Variants in MEA1 observed in about 807,000 individuals in gnomAD.
MEA1 encodes the protein male-enhanced antigen 1, also known as Male-enhanced antigen (H-Y structural gene).
MEA1 carries 22 observed loss-of-function variants against 21.4 expected under a neutral mutation model. That is an observed-to-expected ratio of 1.03 (90% CI 0.73 to 1.47). The LOEUF is 1.47. Among genes scored for constraint, MEA1 ranks in the 40% most tolerant of loss-of-function variants. The probability of loss-of-function intolerance (pLI) is 0.00; values close to 1 mark genes in which losing one functional copy is unlikely to be tolerated. For missense variants in MEA1, 233 were observed against 230.5 expected (o/e 1.01, Z -0.07); for synonymous variants, 91 against 85.5 (o/e 1.06, Z -0.35).
upstream of MEA1, chr6:43,014,610 G>A (rs1490109764): frequency 1.1e-5 from 5 of 457,166 alleles, no homozygotes; most frequent in Non-Finnish European, 2.2e-5. Flanking sequence ...CAGGGAAGCT[G>A]AGCATAATGG....
chr6:43,013,744 A>G (rs777446012), intron 1 of MEA1, 42 bp downstream of exon 1: 28 of 1,410,060 alleles, frequency 2.0e-5, no homozygotes, highest in Non-Finnish European at 2.6e-5. Context: ...AGGTCGGCGT[A>G]CCCGCCCCCT....
upstream of MEA1, among the ~76,000 whole-genome samples, chr6:43,016,169 G>A (rs922752817): frequency 2.0e-5 from 3 of 152,052 alleles, no homozygotes; most frequent in South Asian, 2.1e-4. Flanking sequence ...TCTTGATCTC[G>A]TGATCCACCT....
At chr6:43,012,856 C>T in intron 3 of MEA1, 70 bp downstream of exon 3, 1 of 1,457,018 alleles carries the variant, frequency 6.9e-7, no homozygotes, top group Admixed American at 1.7e-5. Context: ...TCCTCTGAAA[C>T]TTCCTTCTAC....
In MEA1 at chr6:43,013,876, C is replaced by T; in HGVS notation, c.-63G>A. 6.6e-7 allele frequency: 1 copy of T among 1,514,910 alleles called. No individual in the cohort carries two copies. The highest frequency in any genetic ancestry group is 8.8e-7 in the Non-Finnish European group (1 of 1,133,112). 93.8% of individuals were successfully genotyped at this position (1,514,910 alleles called of 1,614,324 possible). A position where few individuals can be genotyped will look rare whatever the true frequency, so the allele number is the denominator to read the frequency against. On this transcript the variant is annotated 5_prime_UTR_variant, in exon 1 of 4. Coordinates refer to ENST00000244711, the MANE Select transcript of MEA1 (RefSeq NM_014623.4). Reference sequence around the variant, plus strand: ...ACCCGCCCCCATCCGAATCCCGGCGCCGGTGTTCCCGCGCGCCTCACCCGC... The same window carrying T: ...ACCCGCCCCCATCCGAATCCCGGCGTCGGTGTTCCCGCGCGCCTCACCCGC...
chr6:43,014,136 C>A, upstream of MEA1: 1 of 1,415,856 alleles, frequency 7.1e-7, no homozygotes, highest in South Asian at 1.6e-5. Flanking sequence ...CACTCCTCAG[C>A]CCTCTCGTCC....
intron 3 of MEA1, 44 bp downstream of exon 3, chr6:43,012,882 C>T (rs768101954): frequency 5.8e-6 from 9 of 1,554,406 alleles, no homozygotes; most frequent in Non-Finnish European, 8.0e-6. Flanking sequence ...CATGCCAGTT[C>T]ATTTCCTTAG....
chr6:43,014,138 C>G (rs1026979201), upstream of MEA1: 3 of 1,415,820 alleles, frequency 2.1e-6, no homozygotes, highest in Non-Finnish European at 1.8e-6. Flanking sequence ...CTCCTCAGCC[C>G]TCTCGTCCCT....
Position 43,012,488 on chromosome 6 carries a change from T to C in MEA1, c.540A>G (p.Ala180=). Residue 180 remains alanine (A), a synonymous_variant, in exon 4 of 4, where the codon GCA becomes GCG. Coordinates refer to ENST00000244711, the MANE Select transcript of MEA1 (RefSeq NM_014623.4). ...ACTGTGGTCACTTCCAGGCAGGGGATGCCTGCCGGGCTTGGAGGGCTTTCT... is the reference window on the plus strand; with the variant it reads ...ACTGTGGTCACTTCCAGGCAGGGGACGCCTGCCGGGCTTGGAGGGCTTTCT... ...VVQKALQARQ[A]SPAWK The C allele has an allele frequency of 6.2e-7, 1 of 1,602,026 alleles. No individual in the cohort carries two copies. The highest frequency in any genetic ancestry group is 8.5e-7 in the Non-Finnish European group (1 of 1,175,934).
chr6:43,012,731 C>T (rs1762414780), intron 3 of MEA1, 110 bp from the exon 4 acceptor site: 1 of 1,373,474 alleles, frequency 7.3e-7, no homozygotes, highest in Non-Finnish European at 9.9e-7. Context: ...ACCAAATCCA[C>T]CTTGTTACTT....
At position 43,012,550 on chromosome 6, in the gene MEA1, G is replaced by A. The variant is rs183141686; in HGVS notation, c.478C>T (p.Arg160Trp). Residue 160 changes from arginine (R) to tryptophan (W), a missense_variant, in exon 4 of 4, where the codon CGG becomes TGG. Physicochemically the swap from Arg to Trp is moderately radical, Grantham distance 101. Coordinates refer to ENST00000244711, the MANE Select transcript of MEA1 (RefSeq NM_014623.4). ...LPAPGVPAWA[R>W]EISDAQWEDV... is the part of the protein sequence containing the mutation. ...TCCCACTGGGCATCCGATATCTCCC[G>A]AGCCCAGGCAGGAACCCCTGGCGCA... The A allele has an allele frequency of 6.6e-5, 106 of 1,612,850 alleles. No homozygotes were observed. In the East Asian group the frequency reaches 1.8e-3, roughly 27 times the overall value.
rs780858279 is a variant in MEA1, at chr6:43,011,212, G to A, written c.*1258C>T. The A allele has an allele frequency of 1.7e-5, 27 of 1,614,034 alleles. No individual in the cohort carries two copies. The highest frequency in any genetic ancestry group is 6.7e-5 in the East Asian group (3 of 44,902). On this transcript the variant is annotated 3_prime_UTR_variant, in exon 4 of 4. Transcript: ENST00000244711. The stretch of plus-strand genomic sequence containing the variant: ...GAGGAAGTCGGAGCTGCCCCAGGAC[G>A]TGTACACCATCAAGGCACTGGAGGC...
At chr6:43,013,649 A>C (rs1762462168) in intron 1 of MEA1, 137 bp downstream of exon 1, 1 of 1,003,412 alleles carries the variant, frequency 1.0e-6, no homozygotes, top group Admixed American at 2.4e-5. Flanking sequence ...CCACCTCCTA[A>C]AAGACACCCC....
Position 43,012,147 on chromosome 6 carries a change from C to A in MEA1, c.*323G>T. Reference sequence around the variant, plus strand: ...TTGTGCTATGCTGGGCAGGCCTTCTCTTGTCCCTTATAGGTACCTTGGAGG... The same window carrying A: ...TTGTGCTATGCTGGGCAGGCCTTCTATTGTCCCTTATAGGTACCTTGGAGG... On this transcript the variant is annotated 3_prime_UTR_variant, in exon 4 of 4. Coordinates refer to ENST00000244711, the MANE Select transcript of MEA1 (RefSeq NM_014623.4). 1 of 1,018,636 alleles carries A rather than the reference C, an allele frequency of 9.8e-7. No individual in the cohort carries two copies. Among genetic ancestry groups the A allele is most frequent in the Non-Finnish European group, 1.2e-6 (1 of 840,532 alleles). 63.1% of individuals were successfully genotyped at this position (1,018,636 alleles called of 1,614,324 possible).
Position 43,013,350 on chromosome 6 carries a change from G to A in MEA1, c.68C>T (p.Thr23Ile). 1 of 1,614,032 alleles carries A rather than the reference G, an allele frequency of 6.2e-7. No homozygotes were observed. The highest frequency in any genetic ancestry group is 8.5e-7 in the Non-Finnish European group (1 of 1,180,024). ...GGGGAAGATACGCTCAGGGCCCATGGTGTCTCCTCCTAGAACTACTGTTGC... is the reference window on the plus strand; with the variant it reads ...GGGGAAGATACGCTCAGGGCCCATGATGTCTCCTCCTAGAACTACTGTTGC... ...RMATVVLGGD[T>I]MGPERIFPNQ... The change falls in exon 2 of 4, where the codon ACC becomes ATC. Residue 23 changes from threonine to isoleucine, a missense_variant. Physicochemically the swap from Thr to Ile is moderately conservative, Grantham distance 89. Transcript: ENST00000244711.
chr6:43,012,217 G>A lies in MEA1; in HGVS notation c.*253C>T, dbSNP rs1036036739. 1.7e-6 allele frequency: 2 copies of A among 1,187,754 alleles called. No homozygotes were observed. Among genetic ancestry groups the A allele is most frequent in the Non-Finnish European group, 1.0e-6 (1 of 958,610 alleles). The allele number at this position is 1,187,754 out of a possible 1,614,324, so 73.6% of individuals were successfully genotyped here. The stretch of plus-strand genomic sequence containing the variant: ...CCGGACCCAGGTTCCAGGGGCGCAG[G>A]CAGTGCGGCTTTTGGCTGTGTACAT... On this transcript the variant is annotated 3_prime_UTR_variant, in exon 4 of 4. Transcript: ENST00000244711.
chr6:43,013,890 C>CGCCTCACCCGCTCAGAGCCCGCG lies in MEA1; in HGVS notation c.-100_-78dup, dbSNP rs1762481026. 13 of 1,507,140 alleles carry CGCCTCACCCGCTCAGAGCCCGCG rather than the reference C, an allele frequency of 8.6e-6. No individual in the cohort carries two copies. The highest frequency in any genetic ancestry group is 1.1e-5 in the Non-Finnish European group (12 of 1,128,466). The allele number at this position is 1,507,140 out of a possible 1,614,324, so 93.4% of individuals were successfully genotyped here. A position where few individuals can be genotyped will look rare whatever the true frequency, so the allele number is the denominator to read the frequency against. On this transcript the variant is annotated 5_prime_UTR_variant, in exon 1 of 4. Transcript: ENST00000244711. ...GAATCCCGGCGCCGGTGTTCCCGCG[C>CGCCTCACCCGCTCAGAGCCCGCG]GCCTCACCCGCTCAGAGCCCGCGGC...
At position 43,011,380 on chromosome 6, in the gene MEA1, G is replaced by A. The variant is rs568069638; in HGVS notation, c.*1090C>T. 2.0e-6 allele frequency: 3 copies of A among 1,513,086 alleles called. No homozygotes were observed. The highest frequency in any genetic ancestry group is 2.3e-5 in the East Asian group (1 of 43,186). 93.7% of individuals were successfully genotyped at this position (1,513,086 alleles called of 1,614,324 possible). A position where few individuals can be genotyped will look rare whatever the true frequency, so the allele number is the denominator to read the frequency against. On this transcript the variant is annotated 3_prime_UTR_variant, in exon 4 of 4. Coordinates refer to ENST00000244711, the MANE Select transcript of MEA1 (RefSeq NM_014623.4). ...CTGCTCCCTACTGGCTGTCTTGGGG[G>A]AAGGCAGCGCCTCTCTAGCTACTCA...
rs150737373 is a variant in MEA1, at chr6:43,013,214, G to C, written c.204C>G (p.Tyr68Ter). The C allele has an allele frequency of 6.2e-7, 1 of 1,614,056 alleles. No individual in the cohort carries two copies. Among genetic ancestry groups the C allele is most frequent in the Non-Finnish European group, 8.5e-7 (1 of 1,180,034 alleles). Residue 68 changes from tyrosine (Y) to a stop codon, truncating the protein, a stop_gained, in exon 2 of 4, where the codon TAC (tyrosine) becomes TAG (stop). Transcript: ENST00000244711. LOFTEE classifies it high-confidence loss of function. ...QEETGSGPAGYSYQPLNQDPE... is the reference protein window; with the variant it reads ...QEETGSGPAG ...GATCTTGGTTCAGGGGCTGGTAGGA[G>C]TAGCCAGCTGGGCCCGACCCCGTTT...
Position 43,013,864 on chromosome 6 carries a change from C to A in MEA1, c.-51G>T, listed in dbSNP as rs758803155. 2.0e-6 allele frequency: 3 copies of A among 1,522,996 alleles called. No homozygotes were observed. Among genetic ancestry groups the A allele is most frequent in the East Asian group, 2.4e-5 (1 of 41,408 alleles). 94.3% of individuals were successfully genotyped at this position (1,522,996 alleles called of 1,614,324 possible). A position where few individuals can be genotyped will look rare whatever the true frequency, so the allele number is the denominator to read the frequency against. On this transcript the variant is annotated 5_prime_UTR_variant, in exon 1 of 4. Transcript: ENST00000244711. ...GCAGCGTCCCCCACCCGCCCCCATC[C>A]GAATCCCGGCGCCGGTGTTCCCGCG...
Sources: gnomAD v4.1 joint callset for allele counts (sites outside exome capture counted in the v4.1 genomes callset) on GRCh38, gnomAD v4.1.1 for gene constraint, MANE v1.5 for transcripts, NCBI Gene and HGNC (gene_info 2026-07-23, HGNC 2026-07-21) for gene names.